The following TP53BP1 variants were observed in gnomAD, a reference collection of about 807,000 sequenced individuals.
The protein encoded by TP53BP1 is tumor protein p53 binding protein 1.
In TP53BP1, 61 loss-of-function variants were observed where a neutral mutation model predicts 200.8. The observed-to-expected ratio is 0.30, with a 90% CI of 0.25 to 0.38. TP53BP1 has a LOEUF of 0.38. TP53BP1 is among the 10% of genes least tolerant of loss of function. TP53BP1 has a pLI of 1.00. For synonymous variants in TP53BP1, 822 were observed against 844.3 expected (o/e 0.97, Z 0.46); for missense variants, 2,144 against 2,371.9 (o/e 0.90, Z 2.00).
At chr15:43,496,342 A>C (rs2079182446), upstream of TP53BP1, among the ~76,000 whole-genome samples, 1 of 152,188 alleles carries the variant, frequency 6.6e-6, no homozygotes, top group South Asian at 2.1e-4. Context: ...GGATCATCTC[A>C]TTTGGTCCTA....
chr15:43,407,721 C>T, intron 27 of TP53BP1, 151 bp from the exon 28 acceptor site: 1 of 831,974 alleles, frequency 1.2e-6, no homozygotes. Context: ...TGACCAAAGG[C>T]AGAGTTATAA....
chr15:43,444,996 T>C (rs559081821), intron 14 of TP53BP1, among the ~76,000 whole-genome samples: 1 of 152,284 alleles, frequency 6.6e-6, no homozygotes, highest in African/African-American at 2.4e-5. Context: ...TCCCGCAAGC[T>C]TAGTGTTCCA....
intron 23 of TP53BP1, chr15:43,414,006 C>A: frequency 2.5e-6 from 1 of 407,136 alleles, no homozygotes; most frequent in Admixed American, 3.3e-5. Flanking sequence ...ACACCCATGC[C>A]AAGAGTGCCC....
intron 11 of TP53BP1, 92 bp from the exon 12 acceptor site, chr15:43,457,310 T>A: frequency 8.4e-7 from 1 of 1,188,164 alleles, no homozygotes; most frequent in African/African-American, 1.5e-5. Context: ...ATTTCTAAAA[T>A]CAAATTTCTA....
At chr15:43,486,144 A>AG (rs1447482239) in intron 4 of TP53BP1, among the ~76,000 whole-genome samples, 4 of 152,090 alleles carry the variant, frequency 2.6e-5, no homozygotes, top group African/African-American at 9.7e-5. Context: ...TGGGAGGCTG[A>AG]GGGGGGTGGA....
intron 12 of TP53BP1, among the ~76,000 whole-genome samples, chr15:43,452,808 T>G (rs1176205181): frequency 6.6e-6 from 1 of 152,196 alleles, no homozygotes; most frequent in Non-Finnish European, 1.5e-5. Context: ...AAGCTGACTC[T>G]GCCAATTAAC....
intron 16 of TP53BP1, among the ~76,000 whole-genome samples, chr15:43,437,430 T>C (rs1448443214): frequency 1.3e-5 from 2 of 152,086 alleles, no homozygotes; most frequent in Non-Finnish European, 2.9e-5. Context: ...CCCAAGAGTT[T>C]GAAACCAGAC....
intron 16 of TP53BP1, among the ~76,000 whole-genome samples, chr15:43,434,281 C>T (rs913278966): frequency 4.6e-5 from 7 of 152,074 alleles, no homozygotes; most frequent in Non-Finnish European, 1.0e-4. Flanking sequence ...ATATTAGATG[C>T]ATAAGACAAT....
chr15:43,429,852 T>C (rs556742418), intron 17 of TP53BP1, among the ~76,000 whole-genome samples: 2 of 152,342 alleles, frequency 1.3e-5, no homozygotes, highest in African/African-American at 4.8e-5. Context: ...CTGTACTTCC[T>C]GCCTGCACAC....
rs1256915161 is a variant in TP53BP1 at position 43,455,959 on chromosome 15, A to G, written c.2649T>C (p.Asp883=). The G allele has an allele frequency of 6.2e-7, 1 of 1,614,088 alleles. No homozygotes were observed. The highest frequency in any genetic ancestry group is 8.5e-7 in the Non-Finnish European group (1 of 1,180,054). The change falls in exon 12 of 28, where the codon GAT becomes GAC. Residue 883 remains aspartate, a synonymous_variant. Coordinates refer to ENST00000382044, the MANE Select transcript of TP53BP1 (RefSeq NM_001141980.3). ...GCTTCCCCAGCTTCTGGGCCTCTGCATCTGAGCTTAGCTGCTTTGCATTAG... is the reference window on the plus strand; with the variant it reads ...GCTTCCCCAGCTTCTGGGCCTCTGCGTCTGAGCTTAGCTGCTTTGCATTAG... ...KMANAKQLSS[D]AEAQKLGKPS...
At chr15:43,426,028 G>GC (rs1302643749) in intron 18 of TP53BP1, among the ~76,000 whole-genome samples, 1 of 147,776 alleles carries the variant, frequency 6.8e-6, no homozygotes, top group Non-Finnish European at 1.5e-5. Context: ...TAGCGCCACT[G>GC]CACCCCAGCC....
upstream of TP53BP1, among the ~76,000 whole-genome samples, chr15:43,495,609 A>C (rs557171712): frequency 2.0e-5 from 3 of 152,172 alleles, no homozygotes; most frequent in East Asian, 5.8e-4. Flanking sequence ...CGAGGTCAGG[A>C]GATCGAGACC....
At chr15:43,476,177 A>G (rs2078878728) in intron 8 of TP53BP1, among the ~76,000 whole-genome samples, 1 of 152,240 alleles carries the variant, frequency 6.6e-6, no homozygotes, top group Non-Finnish European at 1.5e-5. Context: ...AGGCAGGAGC[A>G]TCACTTGAAC....
At chr15:43,503,133 A>G (rs1400410861) in intron 1 of TP53BP1, among the ~76,000 whole-genome samples, 2 of 152,204 alleles carry the variant, frequency 1.3e-5, no homozygotes, top group African/African-American at 4.8e-5. Context: ...GAGTTTGATG[A>G]GTTCAATAAA....
intron 21 of TP53BP1, among the ~76,000 whole-genome samples, chr15:43,418,778 G>A (rs553293053): frequency 1.3e-5 from 2 of 152,280 alleles, no homozygotes; most frequent in South Asian, 2.1e-4. Flanking sequence ...AGAATAAGTG[G>A]TAGATGTGCA....
intron 11 of TP53BP1, among the ~76,000 whole-genome samples, chr15:43,466,169 C>CA (rs1463408313): frequency 6.6e-6 from 1 of 152,150 alleles, no homozygotes; most frequent in Non-Finnish European, 1.5e-5. Context: ...AGGTATCCAA[C>CA]ACAGACAGGT....
chr15:43,447,248 T>C, intron 13 of TP53BP1, 118 bp downstream of exon 13: 1 of 1,125,718 alleles, frequency 8.9e-7, no homozygotes, highest in South Asian at 1.4e-5. Context: ...CTATTTTCCC[T>C]AAAACAAAAA....
chr15:43,430,762 C>G (rs1284093244), intron 17 of TP53BP1, among the ~76,000 whole-genome samples: 1 of 152,146 alleles, frequency 6.6e-6, no homozygotes, highest in Non-Finnish European at 1.5e-5. Context: ...GTTTATAAAT[C>G]AGGCACAGAA....
chr15:43,444,986 T>C (rs939450882), intron 14 of TP53BP1, among the ~76,000 whole-genome samples: 1 of 152,126 alleles, frequency 6.6e-6, no homozygotes, highest in Non-Finnish European at 1.5e-5. Context: ...TATAAATAAC[T>C]CCCGCAAGCT....
Sources: allele counts gnomAD v4.1 joint callset (sites outside exome capture counted in the v4.1 genomes callset), GRCh38; gene constraint gnomAD v4.1.1; transcripts MANE v1.5; gene names NCBI Gene and HGNC (gene_info 2026-07-23, HGNC 2026-07-21).